Variants in CACNA1C observed in about 807,000 individuals in gnomAD.
The protein encoded by CACNA1C is calcium voltage-gated channel subunit alpha1 C, also known as voltage-dependent L-type calcium channel subunit alpha-1C.
In CACNA1C, 30 loss-of-function variants were observed where a neutral mutation model predicts 229.0. The ratio of observed to expected loss-of-function variants is 0.13; its 90% CI spans 0.10 to 0.18. The LOEUF is 0.18. Among genes scored for constraint, CACNA1C ranks in the 10% least tolerant of loss-of-function variants. The pLI, the probability that CACNA1C is intolerant of heterozygous loss-of-function variation, is 1.00. For synonymous variants in CACNA1C, 1,114 were observed against 1,132.5 expected (o/e 0.98, Z 0.33); for missense variants, 1,658 against 2,845.0 (o/e 0.58, Z 9.49).
intron 3 of CACNA1C, among the ~76,000 whole-genome samples, chr12:2,364,611 C>T (rs1454520076): frequency 6.6e-6 from 1 of 152,228 alleles, no homozygotes; most frequent in Non-Finnish European, 1.5e-5. Context: ...TAAATACACT[C>T]TTGCCATGGG....
rs567846106 is a variant in CACNA1C at position 2,319,293 on chromosome 12, C to T, written c.478-129683C>T. On this transcript the variant is annotated intron_variant, in intron 3 of 46. Coordinates refer to ENST00000399655, the MANE Select transcript of CACNA1C (RefSeq NM_000719.7). The surrounding 1 kb of genome is among the most constrained non-coding windows in gnomAD (Gnocchi z 4.0). ...CATGGTGGGTGGCCTGTGGGGGCAG[C>T]GTGCATGAAGGCGGCATGCATGGGG... is the stretch of plus-strand genomic sequence containing the variant. Among the ~76,000 whole-genome samples, 9 of 151,952 alleles carry T rather than the reference C, an allele frequency of 5.9e-5. No individual in the cohort carries two copies. The highest frequency in any genetic ancestry group is 1.9e-4 in the African/African-American group (8 of 41,438).
In CACNA1C at chr12:2,108,084, G is replaced by A. The variant is rs1438514795; in HGVS notation, c.50-7140G>A. On this transcript the variant is annotated intron_variant, in intron 1 of 46. Transcript: ENST00000399655. The surrounding 1 kb of genome is among the most constrained non-coding windows in gnomAD (Gnocchi z 5.3). ...GCAAGGGCTCCGTAATCCAGCCTAG[G>A]ATTATAGAGCATTTCTATTACTGTA... Among the ~76,000 whole-genome samples the A allele has an allele frequency of 6.6e-6, 1 of 152,216 alleles. No individual in the cohort carries two copies. The highest frequency in any genetic ancestry group is 2.4e-5 in the African/African-American group (1 of 41,446).
chr12:2,504,994 T>G lies in CACNA1C; in HGVS notation c.1217+49T>G. On this transcript the variant is annotated intron_variant, in intron 8 of 46. Coordinates refer to ENST00000399655, the MANE Select transcript of CACNA1C (RefSeq NM_000719.7). This position sits in a 1 kb window ranked among gnomAD's most constrained non-coding sequence, Gnocchi z 6.8. Reference sequence around the variant, plus strand: ...TCTTGATTTTTCCATTTATTTTTATTTATTCTTTCTGCTATTCCTGGCTGT... The same window carrying G: ...TCTTGATTTTTCCATTTATTTTTATGTATTCTTTCTGCTATTCCTGGCTGT... The G allele has an allele frequency of 1.1e-6, 1 of 941,752 alleles. No individual in the cohort carries two copies. The highest frequency in any genetic ancestry group is 1.4e-5 in the South Asian group (1 of 72,366). 58.3% of individuals were successfully genotyped at this position (941,752 alleles called of 1,614,324 possible). A position where few individuals can be genotyped will look rare whatever the true frequency, so the allele number is the denominator to read the frequency against.
chr12:2,156,181 G>C (rs543200288), intron 3 of CACNA1C, among the ~76,000 whole-genome samples: 3 of 152,218 alleles, frequency 2.0e-5, no homozygotes, highest in African/African-American at 7.2e-5. Context: ...GAAAGGTCAA[G>C]AAATGATGAT....
intron 3 of CACNA1C, among the ~76,000 whole-genome samples, chr12:2,391,224 T>C (rs1027371158): frequency 2.0e-5 from 3 of 152,146 alleles, no homozygotes; most frequent in African/African-American, 7.2e-5. Flanking sequence ...GGGGCATGTT[T>C]GGGTGTTTGT....
intron 3 of CACNA1C, among the ~76,000 whole-genome samples, chr12:2,180,920 C>T (rs60266602): frequency 0.042 from 6,451 of 152,092 alleles, 440 homozygotes; most frequent in African/African-American, 0.15. Context: ...CCTCTGGGGA[C>T]GGGTGCAGCT....
At chr12:2,227,374 G>C (rs2063324559) in intron 3 of CACNA1C, among the ~76,000 whole-genome samples, 1 of 152,178 alleles carries the variant, frequency 6.6e-6, no homozygotes, top group Non-Finnish European at 1.5e-5. Context: ...TGATCAGAGG[G>C]ACTTGAGTTT....
intron 34 of CACNA1C, among the ~76,000 whole-genome samples, chr12:2,659,325 T>C (rs6489374): frequency 0.15 from 22,390 of 152,230 alleles, 2,018 homozygotes; most frequent in East Asian, 0.24. Flanking sequence ...ATACTTACCA[T>C]TGTGTTCCAG....
chr12:2,529,645 T>C (rs1318216411), intron 9 of CACNA1C, among the ~76,000 whole-genome samples: 1 of 152,226 alleles, frequency 6.6e-6, no homozygotes, highest in Non-Finnish European at 1.5e-5. Flanking sequence ...GCAGAGGATA[T>C]GTAATTAACC....
intron 3 of CACNA1C, among the ~76,000 whole-genome samples, chr12:2,312,481 G>A (rs1456984170): frequency 6.6e-6 from 1 of 152,102 alleles, no homozygotes; most frequent in Non-Finnish European, 1.5e-5. Context: ...CAACACAAGG[G>A]CCAATTCCAT....
At chr12:2,450,553 C>CAAAA (rs796416420) in intron 4 of CACNA1C, among the ~76,000 whole-genome samples, 442 of 38,910 alleles carry the variant, frequency 0.011, 81 homozygotes, top group African/African-American at 0.027. Context: ...GACTCCATCT[C>CAAAA]AAAAAAAAAA....
rs1287306376 is a variant in CACNA1C at position 2,257,268 on chromosome 12, TGTA to T, written c.477+136841_477+136843del. Reference sequence around the variant, plus strand: ...CCTGTCTCCAAAGGAGGTTGAGAAATGTAGTCCAGCTGAGTACCCTGGAGGACG... The same window carrying T: ...CCTGTCTCCAAAGGAGGTTGAGAAATGTCCAGCTGAGTACCCTGGAGGACG... On this transcript the variant is annotated intron_variant, in intron 3 of 46. Transcript: ENST00000399655. Among the ~76,000 whole-genome samples the T allele has an allele frequency of 2.6e-5, 4 of 152,250 alleles. No homozygotes were observed. In the East Asian group the frequency reaches 7.7e-4, roughly 29 times the overall value.
intron 1 of CACNA1C, among the ~76,000 whole-genome samples, chr12:2,042,546 T>A (rs2050296232): frequency 6.6e-6 from 1 of 152,196 alleles, no homozygotes; most frequent in East Asian, 1.9e-4. Context: ...ATTTCAAATG[T>A]CTCCTTGTCT....
intron 11 of CACNA1C, among the ~76,000 whole-genome samples, chr12:2,560,176 T>C (rs2154592804): frequency 6.6e-6 from 1 of 152,332 alleles, no homozygotes; most frequent in African/African-American, 2.4e-5. Context: ...CCGTCTAATC[T>C]AGATTCAGCA....
At chr12:2,397,134 C>T (rs1178577124) in intron 3 of CACNA1C, among the ~76,000 whole-genome samples, 1 of 152,214 alleles carries the variant, frequency 6.6e-6, no homozygotes, top group Non-Finnish European at 1.5e-5. Context: ...ATTCACAAGC[C>T]ACACTCTAAA....
Position 2,053,682 on chromosome 12 carries a change from C to T in CACNA1C, c.49+71C>T, listed in dbSNP as rs756126508. ...ACCGGGTTCCTGCCCTACCCGCGCT[C>T]CCCGCGGCCCCGGGGCCGGTCCCTG... On this transcript the variant is annotated intron_variant, in intron 1 of 46. Transcript: ENST00000399655. This position sits in a 1 kb window ranked among gnomAD's most constrained non-coding sequence, Gnocchi z 5.8. 46 of 1,472,146 alleles carry T rather than the reference C, an allele frequency of 3.1e-5. No homozygotes were observed. Among genetic ancestry groups the T allele is most frequent in the Non-Finnish European group, 4.2e-5 (46 of 1,107,934 alleles). 91.2% of individuals were successfully genotyped at this position (1,472,146 alleles called of 1,614,324 possible).
intron 3 of CACNA1C, among the ~76,000 whole-genome samples, chr12:2,261,239 A>G (rs1200905405): frequency 6.6e-6 from 1 of 152,128 alleles, no homozygotes; most frequent in African/African-American, 2.4e-5. Flanking sequence ...CTCAAAAAAA[A>G]AAACAAAAAC....
At chr12:2,168,570 CAAAT>C (rs1240559233) in intron 3 of CACNA1C, among the ~76,000 whole-genome samples, 1 of 152,206 alleles carries the variant, frequency 6.6e-6, no homozygotes, top group Non-Finnish European at 1.5e-5. Flanking sequence ...CAAAACAACA[CAAAT>C]GAATGCACCA....
At chr12:2,420,102 GGTGTGTGTGTGTGTGTGTGT>G (rs564990323) in intron 3 of CACNA1C, among the ~76,000 whole-genome samples, 3 of 125,494 alleles carry the variant, frequency 2.4e-5, no homozygotes, top group East Asian at 4.6e-4. Flanking sequence ...TAGGCAAAAT[GGTGTGTGTGTGTGTGTGTGT>G]GTGTGTGTGT....
Sources: gnomAD v4.1 joint callset for allele counts (sites outside exome capture counted in the v4.1 genomes callset) on GRCh38, gnomAD v4.1.1 for gene constraint, Gnocchi (gnomAD v3.1) non-coding constraint, MANE v1.5 for transcripts, NCBI Gene and HGNC (gene_info 2026-07-23, HGNC 2026-07-21) for gene names.